The following CALN1 variants were observed in gnomAD, a reference collection of about 807,000 sequenced individuals.
CALN1 encodes the protein calneuron 1, also known as calcium-binding protein 8.
CALN1 carries 17 observed loss-of-function variants against 30.6 expected under a neutral mutation model. The observed-to-expected ratio is 0.56, with a 90% confidence interval of 0.38 to 0.83. The LOEUF is 0.83. CALN1 is among the 40% of genes least tolerant of loss of function. The probability of loss-of-function intolerance (pLI) is 0.00; values close to 1 mark genes in which losing one functional copy is unlikely to be tolerated. For synonymous variants in CALN1, 156 were observed against 131.4 expected (o/e 1.19, Z -1.28); for missense variants, 291 against 354.9 (o/e 0.82, Z 1.45).
chr7:72,077,995 T>C (rs1804865880), intron 4 of CALN1, among the ~76,000 whole-genome samples: 1 of 152,148 alleles, frequency 6.6e-6, no homozygotes, highest in African/African-American at 2.4e-5. Flanking sequence ...AAAATGAAGT[T>C]GTGCTAGGCC....
chr7:71,953,607 A>G (rs1247158955), intron 5 of CALN1, among the ~76,000 whole-genome samples: 1 of 152,102 alleles, frequency 6.6e-6, no homozygotes, highest in South Asian at 2.1e-4. Flanking sequence ...TTTTACCTTC[A>G]TAATAGCTCT....
At chr7:71,862,088 G>T (rs538206671) in intron 5 of CALN1, among the ~76,000 whole-genome samples, 1 of 152,262 alleles carries the variant, frequency 6.6e-6, no homozygotes, top group Non-Finnish European at 1.5e-5. Flanking sequence ...ACCCTTTTGC[G>T]CTGGACAGAG....
intron 3 of CALN1, among the ~76,000 whole-genome samples, chr7:72,123,238 G>A (rs1808512902): frequency 1.3e-5 from 2 of 152,178 alleles, no homozygotes; most frequent in Admixed American, 1.3e-4. Flanking sequence ...CTAGCTGCCT[G>A]CTAGAAGTGA....
At chr7:72,031,863 T>A (rs1801465135) in intron 4 of CALN1, among the ~76,000 whole-genome samples, 1 of 150,032 alleles carries the variant, frequency 6.7e-6, no homozygotes, top group Non-Finnish European at 1.5e-5. Flanking sequence ...TGCCTCAGCC[T>A]CCCAAGTAGC....
At chr7:72,361,741 A>C (rs1215480360) in intron 2 of CALN1, among the ~76,000 whole-genome samples, 41 of 152,342 alleles carry the variant, frequency 2.7e-4, no homozygotes, top group Non-Finnish European at 1.5e-5. Flanking sequence ...AAGAACGGAA[A>C]GGAATAATCT....
intron 3 of CALN1, among the ~76,000 whole-genome samples, chr7:72,211,562 C>T (rs1173892042): frequency 1.3e-5 from 2 of 152,204 alleles, no homozygotes; most frequent in Non-Finnish European, 2.9e-5. Flanking sequence ...CAAGAAACGA[C>T]TCGATAGGTC....
chr7:72,070,130 G>A (rs891838430), intron 4 of CALN1, among the ~76,000 whole-genome samples: 1 of 152,144 alleles, frequency 6.6e-6, no homozygotes, highest in Non-Finnish European at 1.5e-5. Flanking sequence ...CCTTGTCACT[G>A]CAAAGAAAAC....
At chr7:71,825,515 G>A (rs1788857789) in intron 5 of CALN1, among the ~76,000 whole-genome samples, 1 of 152,122 alleles carries the variant, frequency 6.6e-6, no homozygotes, top group African/African-American at 2.4e-5. Flanking sequence ...ATAAAGAAGA[G>A]GTTTAATGGA....
At chr7:72,013,138 A>G (rs1430435605) in intron 5 of CALN1, among the ~76,000 whole-genome samples, 1 of 151,782 alleles carries the variant, frequency 6.6e-6, no homozygotes, top group African/African-American at 2.4e-5. Flanking sequence ...TCCATTTACC[A>G]TAACCATGGG....
chr7:72,132,880 A>T (rs764523493), intron 3 of CALN1, among the ~76,000 whole-genome samples: 11 of 152,164 alleles, frequency 7.2e-5, no homozygotes, highest in Non-Finnish European at 1.2e-4. Flanking sequence ...GCAGAGCAGG[A>T]GGTGAGCAGC....
intron 2 of CALN1, among the ~76,000 whole-genome samples, chr7:72,371,970 A>C (rs138739918): frequency 4.1e-4 from 63 of 152,180 alleles, no homozygotes; most frequent in African/African-American, 1.3e-3. Flanking sequence ...TTCACTAAAC[A>C]ACCAAACTGG....
At chr7:72,412,611 T>TC (rs1198820620), upstream of CALN1, among the ~76,000 whole-genome samples, 21 of 152,264 alleles carry the variant, frequency 1.4e-4, no homozygotes, top group East Asian at 2.3e-3. Flanking sequence ...CCCAGCTGGC[T>TC]TCACCTCTCA....
In CALN1 at chr7:71,784,862, C is replaced by A; in HGVS notation, c.*2913G>T. The A allele has an allele frequency of 2.5e-6, 1 of 398,654 alleles. No individual in the cohort carries two copies. Among genetic ancestry groups the A allele is most frequent in the Non-Finnish European group, 4.4e-6 (1 of 226,130 alleles). 24.7% of individuals were successfully genotyped at this position (398,654 alleles called of 1,614,324 possible). A position where few individuals can be genotyped will look rare whatever the true frequency, so the allele number is the denominator to read the frequency against. ...ACCAGGACCTTCTGGAATCTTCAGCCGTGAGCTTCATAGCCACCATGATGG... is the reference window on the plus strand; with the variant it reads ...ACCAGGACCTTCTGGAATCTTCAGCAGTGAGCTTCATAGCCACCATGATGG... On this transcript the variant is annotated 3_prime_UTR_variant, in exon 7 of 7. Coordinates refer to ENST00000395275, the MANE Select transcript of CALN1 (RefSeq NM_031468.4).
chr7:72,328,752 G>C (rs1801456569), intron 2 of CALN1, among the ~76,000 whole-genome samples: 1 of 152,220 alleles, frequency 6.6e-6, no homozygotes. Context: ...CTGGAGTGCA[G>C]TGGCACAATC....
chr7:72,099,059 G>A (rs753300840), intron 4 of CALN1, among the ~76,000 whole-genome samples: 1 of 152,160 alleles, frequency 6.6e-6, no homozygotes, highest in Non-Finnish European at 1.5e-5. Context: ...TTCCAGCCGG[G>A]CCTCGTGCCG....
chr7:71,922,889 A>AT (rs1562903562), intron 5 of CALN1, among the ~76,000 whole-genome samples: 2 of 100,994 alleles, frequency 2.0e-5, no homozygotes, highest in Non-Finnish European at 4.1e-5. Context: ...CATATATATT[A>AT]ATATATATGT....
At chr7:71,943,525 C>T (rs1796243498) in intron 5 of CALN1, among the ~76,000 whole-genome samples, 1 of 152,076 alleles carries the variant, frequency 6.6e-6, no homozygotes, top group South Asian at 2.1e-4. Flanking sequence ...ATGGCAACCT[C>T]TGCCTCTGGG....
chr7:72,329,844 T>C (rs1022779262), intron 2 of CALN1, among the ~76,000 whole-genome samples: 2 of 151,716 alleles, frequency 1.3e-5, no homozygotes, highest in African/African-American at 2.4e-5. Context: ...ATTCCAGCTA[T>C]TCAGGAGACT....
intron 5 of CALN1, among the ~76,000 whole-genome samples, chr7:71,904,426 G>GGGAAATAAGCCAGGCATAGAAAGACAA (rs1794021540): frequency 6.6e-6 from 1 of 152,192 alleles, no homozygotes; most frequent in Admixed American, 6.5e-5. Flanking sequence ...ACATTGTTAA[G>GGGAAATAAGCCAGGCATAGAAAGACAA]GGAAATAAGC....
Sources: allele counts gnomAD v4.1 joint callset (sites outside exome capture counted in the v4.1 genomes callset), GRCh38; gene constraint gnomAD v4.1.1; transcripts MANE v1.5; gene names NCBI Gene and HGNC (gene_info 2026-07-23, HGNC 2026-07-21).